The following CFAP251 variants were observed in gnomAD, a reference collection of about 807,000 sequenced individuals.
CFAP251 encodes the protein cilia- and flagella-associated protein 251.
In CFAP251, 93 loss-of-function variants were observed where a neutral mutation model predicts 126.7. The observed-to-expected ratio is 0.73, with a 90% confidence interval of 0.62 to 0.87. The LOEUF (loss-of-function observed/expected upper bound fraction) is 0.87. Ranked by LOEUF, CFAP251 falls within the 40% of genes least tolerant of loss-of-function variation. The pLI, the probability that CFAP251 is intolerant of heterozygous loss-of-function variation, is 0.00. For synonymous variants in CFAP251, 503 were observed against 506.9 expected, an observed-to-expected ratio of 0.99 and a Z score of 0.10; for missense variants, 1,287 against 1,389.2, an observed-to-expected ratio of 0.93 and a Z score of 1.17.
intron 19 of CFAP251, among the ~76,000 whole-genome samples, chr12:121,981,035 C>T (rs1387094899): frequency 6.6e-6 from 1 of 152,222 alleles, no homozygotes; most frequent in Non-Finnish European, 1.5e-5. Flanking sequence ...GGTGCTTACT[C>T]AGTGGGGGGC....
At chr12:121,967,917 A>G (rs1882202010) in intron 16 of CFAP251, 89 bp from the exon 17 acceptor site, 1 of 1,217,128 alleles carries the variant, frequency 8.2e-7, no homozygotes, top group Non-Finnish European at 1.2e-6. Flanking sequence ...CTTCTGGCAC[A>G]CAGATCTGGA....
chr12:122,002,481 G>A (rs1026434597), intron 21 of CFAP251, among the ~76,000 whole-genome samples: 2 of 152,004 alleles, frequency 1.3e-5, no homozygotes, highest in African/African-American at 4.8e-5. Context: ...TCACGGCTGC[G>A]GTGAGTGAGG....
At chr12:121,947,787 T>G (rs1881374646) in intron 7 of CFAP251, 2 of 152,220 alleles carry the variant, frequency 1.3e-5, no homozygotes, top group Admixed American at 1.3e-4. Context: ...TTTCAGGCTT[T>G]GTGAAGTCTG....
intron 3 of CFAP251, among the ~76,000 whole-genome samples, chr12:121,926,574 C>T (rs568607705): frequency 2.0e-5 from 3 of 152,268 alleles, no homozygotes; most frequent in South Asian, 2.1e-4. Context: ...GCAATCCTCC[C>T]GCCTCGGCCT....
chr12:121,919,218 C>A (rs868228884), intron 1 of CFAP251, among the ~76,000 whole-genome samples: 1 of 151,522 alleles, frequency 6.6e-6, no homozygotes, highest in Non-Finnish European at 1.5e-5. Flanking sequence ...AATAGAAATA[C>A]CTTTTCTACT....
At chr12:121,928,672 A>ATATATACG (rs1565902687) in intron 3 of CFAP251, among the ~76,000 whole-genome samples, 452 of 19,144 alleles carry the variant, frequency 0.024, 7 homozygotes, top group African/African-American at 0.16. Flanking sequence ...ATATATACGT[A>ATATATACG]TATATATATA....
At position 121,989,024 on chromosome 12, in the gene CFAP251, C is replaced by T. The variant is rs537614701; in HGVS notation, c.3007-10692C>T. ...GTGCTGGGATCCCAGATGTGAGCCA[C>T]GGTGCCCGGCCCACATCACTTCTTC... On this transcript the variant is annotated intron_variant, in intron 19 of 21. Coordinates refer to ENST00000288912, the MANE Select transcript of CFAP251 (RefSeq NM_144668.6). This position sits in a 1 kb window ranked among gnomAD's most constrained non-coding sequence, Gnocchi z 4.2. 6.6e-6 allele frequency among the ~76,000 whole-genome samples: 1 copy of T among 152,178 alleles called. No homozygotes were observed. The highest frequency in any genetic ancestry group is 1.5e-5 in the Non-Finnish European group (1 of 68,034).
chr12:121,924,075 A>C, intron 3 of CFAP251, 85 bp downstream of exon 3: 1 of 1,424,158 alleles, frequency 7.0e-7, no homozygotes, highest in Non-Finnish European at 9.5e-7. Context: ...GGGGAAAAAG[A>C]ATACCACCAG....
intron 13 of CFAP251, among the ~76,000 whole-genome samples, 175 bp from the exon 14 acceptor site, chr12:121,960,410 G>T (rs554237283): frequency 1.3e-5 from 2 of 152,200 alleles, no homozygotes; most frequent in East Asian, 3.9e-4. Context: ...TAGAGATGGG[G>T]TTTTGCCATA....
chr12:122,002,825 C>A (rs541793441), intron 21 of CFAP251, among the ~76,000 whole-genome samples: 1 of 152,246 alleles, frequency 6.6e-6, no homozygotes, highest in South Asian at 2.1e-4. Flanking sequence ...GATCCCACCA[C>A]CATCACCAAG....
At chr12:121,924,082 C>A in intron 3 of CFAP251, 92 bp downstream of exon 3, 1 of 1,387,832 alleles carries the variant, frequency 7.2e-7, no homozygotes, top group Non-Finnish European at 9.7e-7. Context: ...AAGAATACCA[C>A]CAGAAGGATA....
intron 15 of CFAP251, 93 bp from the exon 16 acceptor site, chr12:121,966,862 G>A (rs1475731619): frequency 8.8e-7 from 1 of 1,131,306 alleles, no homozygotes. Context: ...GGGATTACAG[G>A]TGTGAGCCAC....
rs201018883 is a variant in CFAP251 at position 121,999,823 on chromosome 12, G to C, written c.3114G>C (p.Lys1038Asn). ...TCCTAAAAGTGTACCTTAACCACAAGCCACCTTTTGGTAACACCATGAGTG... is the reference window on the plus strand; with the variant it reads ...TCCTAAAAGTGTACCTTAACCACAACCCACCTTTTGGTAACACCATGAGTG... ...PDFLKVYLNH[K>N]PPFGNTMSGI... Residue 1038 changes from lysine (K) to asparagine (N), a missense_variant, in exon 20 of 22, where the codon AAG becomes AAC. Transcript: ENST00000288912. 2.9e-4 allele frequency: 463 copies of C among 1,614,126 alleles called. 4 individuals carry two copies. The East Asian group carries it at 5.4e-3, about 19-fold the overall frequency.
chr12:121,958,552 T>C (rs1205469419), intron 12 of CFAP251, 30 bp downstream of exon 12: 21 of 1,613,022 alleles, frequency 1.3e-5, no homozygotes, highest in Non-Finnish European at 1.8e-5. Flanking sequence ...CTACCATCGG[T>C]TCCACATGGA....
chr12:121,998,487 AT>A (rs1231882317), intron 19 of CFAP251: 17 of 78,108 alleles, frequency 2.2e-4, no homozygotes, highest in African/African-American at 8.6e-4. Flanking sequence ...ATATATATAT[AT>A]GATTGTGTTA....
intron 3 of CFAP251, among the ~76,000 whole-genome samples, chr12:121,925,646 T>G (rs1880379391): frequency 6.7e-6 from 1 of 150,238 alleles, no homozygotes; most frequent in Admixed American, 6.7e-5. Context: ...ACTCTTGTCT[T>G]GTTTAGCCAG....
chr12:121,970,309 T>G (rs1455749242), intron 17 of CFAP251, among the ~76,000 whole-genome samples: 2 of 152,158 alleles, frequency 1.3e-5, no homozygotes, highest in Admixed American at 1.3e-4. Flanking sequence ...GCATTACTTT[T>G]TTGTGCTCAT....
At chr12:121,975,034 A>C (rs184288564) in intron 17 of CFAP251, among the ~76,000 whole-genome samples, 1 of 152,362 alleles carries the variant, frequency 6.6e-6, no homozygotes, top group African/African-American at 2.4e-5. Context: ...ATTAAGGCAG[A>C]TGCCCTCTAC....
intron 14 of CFAP251, 72 bp downstream of exon 14, chr12:121,960,830 G>A: frequency 6.5e-7 from 1 of 1,541,496 alleles, no homozygotes; most frequent in Non-Finnish European, 8.9e-7. Flanking sequence ...CTGGCATCTT[G>A]CATAGAGCCA....
Sources: allele counts gnomAD v4.1 joint callset (sites outside exome capture counted in the v4.1 genomes callset), GRCh38; gene constraint gnomAD v4.1.1; non-coding constraint Gnocchi (gnomAD v3.1); transcripts MANE v1.5; gene names NCBI Gene and HGNC (gene_info 2026-07-23, HGNC 2026-07-21).